The following BMPR1B variants were observed in gnomAD, a reference collection of about 807,000 sequenced individuals.
BMPR1B encodes bone morphogenetic protein receptor type-1B.
A neutral mutation model predicts 59.1 loss-of-function variants in BMPR1B; 12 were observed. That is an observed-to-expected ratio of 0.20 (90% CI 0.13 to 0.33). The LOEUF (loss-of-function observed/expected upper bound fraction) is 0.33, where lower values mean the gene tolerates loss of function less well. BMPR1B is among the 10% of genes least tolerant of loss of function. BMPR1B has a pLI of 1.00. For missense variants in BMPR1B, 550 were observed against 610.9 expected (o/e 0.90, Z 1.05); for synonymous variants, 237 against 207.3 (o/e 1.14, Z -1.23).
chr4:94,833,360 C>T (rs938012352), intron 1 of BMPR1B, among the ~76,000 whole-genome samples: 1 of 152,196 alleles, frequency 6.6e-6, no homozygotes, highest in African/African-American at 2.4e-5. Context: ...AATAGCCTTT[C>T]ATTATTCTTA....
intron 1 of BMPR1B, among the ~76,000 whole-genome samples, chr4:94,780,723 C>G (rs1199705076): frequency 5.8e-5 from 7 of 120,248 alleles, no homozygotes; most frequent in South Asian, 2.8e-4. Flanking sequence ...GAGTCTCGCT[C>G]TGTCGCCCAG....
chr4:95,122,370 A>C (rs1732596128), intron 6 of BMPR1B, among the ~76,000 whole-genome samples: 1 of 152,058 alleles, frequency 6.6e-6, no homozygotes, highest in Admixed American at 6.6e-5. Flanking sequence ...AATAATAAAT[A>C]ATTTCAAATA....
At chr4:95,061,225 T>C (rs910251045) in intron 3 of BMPR1B, among the ~76,000 whole-genome samples, 10 of 145,714 alleles carry the variant, frequency 6.9e-5, no homozygotes, top group Non-Finnish European at 1.4e-4. Context: ...CACCCCTCCA[T>C]TGAATATACA....
At chr4:95,039,662 C>T (rs930660307) in intron 3 of BMPR1B, among the ~76,000 whole-genome samples, 1 of 152,168 alleles carries the variant, frequency 6.6e-6, no homozygotes, top group Non-Finnish European at 1.5e-5. Context: ...TTAGCACAAC[C>T]TTGTTGTCCA....
At chr4:94,989,401 AAAC>A (rs1461439676) in intron 2 of BMPR1B, among the ~76,000 whole-genome samples, 3 of 151,574 alleles carry the variant, frequency 2.0e-5, no homozygotes, top group African/African-American at 2.4e-5. Context: ...AAAAAAAAAA[AAAC>A]AAAAAAAATC....
intron 1 of BMPR1B, among the ~76,000 whole-genome samples, chr4:94,770,853 A>T (rs1056045745): frequency 6.7e-6 from 1 of 149,818 alleles, no homozygotes; most frequent in Non-Finnish European, 1.5e-5. Context: ...GAGGCTCTAC[A>T]CAAGTTTTAA....
intron 2 of BMPR1B, among the ~76,000 whole-genome samples, chr4:94,882,548 T>C (rs1727015694): frequency 6.6e-6 from 1 of 152,240 alleles, no homozygotes; most frequent in African/African-American, 2.4e-5. Flanking sequence ...TCAATAACTC[T>C]TTAAAGCAGA....
At chr4:94,818,606 A>AAATTCTAC (rs1407629908) in intron 1 of BMPR1B, among the ~76,000 whole-genome samples, 1 of 152,228 alleles carries the variant, frequency 6.6e-6, no homozygotes, top group Non-Finnish European at 1.5e-5. Flanking sequence ...AGTCTGGTAG[A>AAATTCTAC]AATTCTACAG....
chr4:95,074,741 GT>G (rs1728576660), intron 3 of BMPR1B, among the ~76,000 whole-genome samples: 1 of 151,950 alleles, frequency 6.6e-6, no homozygotes, highest in Non-Finnish European at 1.5e-5. Flanking sequence ...TAGTTATGCT[GT>G]TTTTGCTGCT....
chr4:94,978,172 T>C (rs1289476466), intron 2 of BMPR1B, among the ~76,000 whole-genome samples: 1 of 152,248 alleles, frequency 6.6e-6, no homozygotes, highest in Non-Finnish European at 1.5e-5. Flanking sequence ...ATTATAGCAC[T>C]CACTTCTGCT....
intron 2 of BMPR1B, among the ~76,000 whole-genome samples, chr4:94,911,976 A>C (rs1162010081): frequency 6.6e-6 from 1 of 152,148 alleles, no homozygotes; most frequent in Non-Finnish European, 1.5e-5. Context: ...CAAAAGAAAG[A>C]GGTTTAATTG....
At chr4:94,894,315 C>A (rs1218664203) in intron 2 of BMPR1B, among the ~76,000 whole-genome samples, 2 of 152,006 alleles carry the variant, frequency 1.3e-5, no homozygotes, top group Non-Finnish European at 2.9e-5. Flanking sequence ...TCACATAGAT[C>A]AACTGTTCTT....
At chr4:94,953,439 C>G (rs550367566) in intron 2 of BMPR1B, among the ~76,000 whole-genome samples, 1 of 152,060 alleles carries the variant, frequency 6.6e-6, no homozygotes, top group African/African-American at 2.4e-5. Flanking sequence ...TTCAGGAGCT[C>G]TTGTAAGGCA....
chr4:95,049,189 C>T (rs893688603), intron 3 of BMPR1B, among the ~76,000 whole-genome samples: 1 of 152,080 alleles, frequency 6.6e-6, no homozygotes, highest in African/African-American at 2.4e-5. Flanking sequence ...TCATAGCTCA[C>T]TGCAGGCTGG....
At chr4:94,995,879 GC>G (rs1251261070) in intron 2 of BMPR1B, 160 bp from the exon 3 acceptor site, 2 of 152,324 alleles carry the variant, frequency 1.3e-5, no homozygotes, top group East Asian at 3.9e-4. Flanking sequence ...AAAGCACTGA[GC>G]AAGTGTCAGG....
intron 2 of BMPR1B, among the ~76,000 whole-genome samples, chr4:94,974,447 T>C (rs1042339940): frequency 6.6e-6 from 1 of 152,148 alleles, no homozygotes; most frequent in African/African-American, 2.4e-5. Flanking sequence ...GGACTCCTCA[T>C]GTATCCCTCA....
chr4:94,825,899 A>AT (rs1269227091), intron 1 of BMPR1B, among the ~76,000 whole-genome samples: 3 of 152,066 alleles, frequency 2.0e-5, no homozygotes, highest in Non-Finnish European at 2.9e-5. Context: ...AACAAAGGAT[A>AT]TTTTTTCTGT....
chr4:94,960,718 AATAT>A (rs35562478), intron 2 of BMPR1B, among the ~76,000 whole-genome samples: 6,470 of 150,698 alleles, frequency 0.043, 346 homozygotes, highest in African/African-American at 0.12. Flanking sequence ...GTGTATGAAA[AATAT>A]ATATATATAT....
chr4:94,950,375 C>T (rs558418894), intron 2 of BMPR1B, among the ~76,000 whole-genome samples: 12 of 152,110 alleles, frequency 7.9e-5, no homozygotes, highest in African/African-American at 2.9e-4. Flanking sequence ...ATGCCTATGT[C>T]CTGAATGGTA....
Sources: allele counts gnomAD v4.1 joint callset (sites outside exome capture counted in the v4.1 genomes callset), GRCh38; gene constraint gnomAD v4.1.1; transcripts MANE v1.5; gene names NCBI Gene and HGNC (gene_info 2026-07-23, HGNC 2026-07-21).